The following CTNND2 variants were observed in gnomAD, a reference collection of about 807,000 sequenced individuals.
CTNND2 encodes catenin delta-2.
In CTNND2, 22 loss-of-function variants were observed where a neutral mutation model predicts 144.4. That is an observed-to-expected ratio of 0.15 (90% CI 0.11 to 0.22). CTNND2 has a LOEUF of 0.22. CTNND2 is among the 10% of genes least tolerant of loss of function. The pLI is 1.00. For synonymous variants in CTNND2, 751 were observed against 695.6 expected (o/e 1.08, Z -1.25); for missense variants, 1,353 against 1,618.8 (o/e 0.84, Z 2.82).
intron 12 of CTNND2, among the ~76,000 whole-genome samples, chr5:11,137,778 C>T (rs1270410490): frequency 1.3e-5 from 2 of 152,272 alleles, no homozygotes; most frequent in South Asian, 4.1e-4. Context: ...TCTAGGAGTG[C>T]TCATGGGAAA....
At chr5:11,720,595 C>A (rs990159153) in intron 2 of CTNND2, among the ~76,000 whole-genome samples, 2 of 152,188 alleles carry the variant, frequency 1.3e-5, no homozygotes, top group Admixed American at 6.5e-5. Context: ...TTCCCACCTG[C>A]AACATATGTA....
At chr5:11,874,172 C>A (rs975740706) in intron 1 of CTNND2, among the ~76,000 whole-genome samples, 20 of 152,304 alleles carry the variant, frequency 1.3e-4, no homozygotes, top group Admixed American at 2.0e-4. Context: ...TGATAAAATT[C>A]TCTCACTCTT....
intron 3 of CTNND2, among the ~76,000 whole-genome samples, chr5:11,430,703 A>G (rs10080088): frequency 0.073 from 11,065 of 152,280 alleles, 443 homozygotes; most frequent in African/African-American, 0.088. Context: ...GTGTATACAC[A>G]TTCACATCAC....
chr5:11,852,388 T>C (rs1195253714), intron 1 of CTNND2, among the ~76,000 whole-genome samples: 1 of 152,208 alleles, frequency 6.6e-6, no homozygotes, highest in Non-Finnish European at 1.5e-5. Flanking sequence ...TATTCCTACC[T>C]TGACCCTAAG....
chr5:11,162,597 A>G (rs964723180), intron 11 of CTNND2, among the ~76,000 whole-genome samples: 11 of 152,092 alleles, frequency 7.2e-5, no homozygotes, highest in Non-Finnish European at 1.0e-4. Flanking sequence ...GCAATGCACA[A>G]TGCTTCCTGG....
chr5:11,758,372 T>C (rs137961225), intron 1 of CTNND2, among the ~76,000 whole-genome samples: 273 of 152,100 alleles, frequency 1.8e-3, no homozygotes, highest in African/African-American at 6.4e-3. Flanking sequence ...TCACTTCTAC[T>C]GTTTTACCAA....
intron 3 of CTNND2, among the ~76,000 whole-genome samples, chr5:11,556,274 T>C (rs1021005336): frequency 1.3e-5 from 2 of 152,156 alleles, no homozygotes; most frequent in Non-Finnish European, 2.9e-5. Context: ...TATTCTTCAA[T>C]ATATAAGATG....
intron 6 of CTNND2, among the ~76,000 whole-genome samples, chr5:11,391,127 C>CA (rs1759593392): frequency 7.9e-6 from 1 of 125,910 alleles, no homozygotes; most frequent in Admixed American, 7.8e-5. Flanking sequence ...AAAGCAATGA[C>CA]AAAATGTACT....
chr5:11,312,648 TCCC>T (rs1031657838), intron 9 of CTNND2, among the ~76,000 whole-genome samples: 3 of 66,584 alleles, frequency 4.5e-5, no homozygotes, highest in Non-Finnish European at 1.2e-4. Flanking sequence ...ACCATATCAC[TCCC>T]CATACACCAC....
chr5:11,709,034 T>C (rs1308754546), intron 2 of CTNND2, among the ~76,000 whole-genome samples: 1 of 152,204 alleles, frequency 6.6e-6, no homozygotes, highest in African/African-American at 2.4e-5. Flanking sequence ...GCTACTATGA[T>C]AACAAAGTGA....
intron 9 of CTNND2, among the ~76,000 whole-genome samples, chr5:11,294,742 T>C (rs1748720019): frequency 1.3e-5 from 2 of 152,174 alleles, no homozygotes; most frequent in Non-Finnish European, 2.9e-5. Flanking sequence ...CACATGATTA[T>C]CTCAATAGAT....
chr5:11,172,076 C>T (rs780199939), intron 11 of CTNND2, among the ~76,000 whole-genome samples: 23 of 152,252 alleles, frequency 1.5e-4, no homozygotes, highest in Non-Finnish European at 2.1e-4. Context: ...CAATTACTTT[C>T]GCGCCATAAT....
chr5:11,602,208 TAAC>T (rs1445814579), intron 2 of CTNND2, among the ~76,000 whole-genome samples: 2 of 152,128 alleles, frequency 1.3e-5, no homozygotes, highest in East Asian at 3.8e-4. Flanking sequence ...AAGTGGCTCA[TAAC>T]AATGCAGTAG....
chr5:11,242,414 T>C (rs1742545455), intron 9 of CTNND2, among the ~76,000 whole-genome samples: 5 of 152,230 alleles, frequency 3.3e-5, no homozygotes, highest in Admixed American at 2.6e-4. Flanking sequence ...GCTATAATCA[T>C]TCTCTTGAAA....
Position 11,510,683 on chromosome 5 carries a change from C to A in CTNND2, c.287+54261G>T, listed in dbSNP as rs1467287208. Among the ~76,000 whole-genome samples the A allele has an allele frequency of 2.6e-5, 4 of 152,216 alleles. No individual in the cohort carries two copies. The East Asian group carries it at 7.7e-4, about 29-fold the overall frequency. On this transcript the variant is annotated intron_variant, in intron 3 of 21. Coordinates refer to ENST00000304623, the MANE Select transcript of CTNND2 (RefSeq NM_001332.4). ...CAATGGCTCATGCCTATAATCCCAG[C>A]ACTTTGGGAGGCCAAGGCGGGCGGA...
chr5:11,621,484 C>G (rs772682731), intron 2 of CTNND2, among the ~76,000 whole-genome samples: 13 of 151,958 alleles, frequency 8.6e-5, no homozygotes, highest in Non-Finnish European at 1.9e-4. Flanking sequence ...ACAGATTTAA[C>G]TTTGGAATTT....
At position 11,698,229 on chromosome 5, in the gene CTNND2, A is replaced by G. The variant is rs78816823; in HGVS notation, c.174+33907T>C. 9.9e-3 allele frequency among the ~76,000 whole-genome samples: 1,513 copies of G among 152,270 alleles called. 20 individuals are homozygous for G. The highest frequency in any genetic ancestry group is 0.059 in the South Asian group (282 of 4,818). The stretch of plus-strand genomic sequence containing the variant: ...TACTCCCCAACCAAGCCCTCCATGA[A>G]ATCTATCTGATGCTGAAGATAAATA... On this transcript the variant is annotated intron_variant, in intron 2 of 21. Transcript: ENST00000304623.
At position 11,349,785 on chromosome 5, in the gene CTNND2, T is replaced by C. The variant is rs115612929; in HGVS notation, c.1373-3158A>G. 1.9e-3 allele frequency among the ~76,000 whole-genome samples: 291 copies of C among 152,326 alleles called. 1 individual carries two copies. The highest frequency in any genetic ancestry group is 6.8e-3 in the African/African-American group (283 of 41,576). ...TCTACTAAAGGTAACAGATAAAAGATGGGTTCACTAAGGAATTAACAACCT... is the reference window on the plus strand; with the variant it reads ...TCTACTAAAGGTAACAGATAAAAGACGGGTTCACTAAGGAATTAACAACCT... On this transcript the variant is annotated intron_variant, in intron 8 of 21. Transcript: ENST00000304623.
intron 14 of CTNND2, among the ~76,000 whole-genome samples, chr5:11,105,906 C>G (rs1357181645): frequency 1.3e-5 from 2 of 151,886 alleles, no homozygotes; most frequent in African/African-American, 4.8e-5. Flanking sequence ...GAGGAACGGG[C>G]GGCAGCTGAA....
Sources: allele counts gnomAD v4.1 joint callset (sites outside exome capture counted in the v4.1 genomes callset), GRCh38; gene constraint gnomAD v4.1.1; transcripts MANE v1.5; gene names NCBI Gene and HGNC (gene_info 2026-07-23, HGNC 2026-07-21).